The following CLYBL variants were observed in gnomAD, a reference collection of about 807,000 sequenced individuals.
The protein encoded by CLYBL is citramalyl-CoA lyase, also known as citramalyl-CoA lyase, mitochondrial.
CLYBL carries 31 observed loss-of-function variants against 38.9 expected under a neutral mutation model. The observed-to-expected ratio is 0.80, with a 90% CI of 0.60 to 1.08. CLYBL has a LOEUF of 1.08. Ranked by LOEUF, CLYBL falls within the 50% of genes least tolerant of loss-of-function variation. The probability of loss-of-function intolerance (pLI) is 0.00; values close to 1 mark genes in which losing one functional copy is unlikely to be tolerated. For synonymous variants in CLYBL, 171 were observed against 158.6 expected (o/e 1.08, Z -0.59); for missense variants, 434 against 411.6 (o/e 1.05, Z -0.47).
intron 1 of CLYBL, among the ~76,000 whole-genome samples, chr13:99,617,975 C>T (rs2793763): frequency 0.32 from 48,360 of 152,088 alleles, 8,752 homozygotes; most frequent in Non-Finnish European, 0.41. Flanking sequence ...ACCCTGTCCC[C>T]TTACTGCTGT....
chr13:99,736,126 C>T (rs145104301), intron 1 of CLYBL, among the ~76,000 whole-genome samples: 99 of 139,406 alleles, frequency 7.1e-4, no homozygotes, highest in African/African-American at 2.4e-3. Context: ...CTCACTGCAA[C>T]CTCTGCCTCC....
At chr13:99,643,851 C>T (rs9670678) in intron 1 of CLYBL, among the ~76,000 whole-genome samples, 2 of 151,872 alleles carry the variant, frequency 1.3e-5, no homozygotes, top group Non-Finnish European at 2.9e-5. Flanking sequence ...ACTAAAAATA[C>T]AAAAATTAAC....
intron 2 of CLYBL, among the ~76,000 whole-genome samples, chr13:99,835,447 A>C (rs1415308428): frequency 6.6e-6 from 1 of 152,214 alleles, no homozygotes; most frequent in Non-Finnish European, 1.5e-5. Flanking sequence ...AGATGGAGGA[A>C]GAGAGAGTGG....
chr13:99,633,569 T>G (rs1248919181), intron 1 of CLYBL, among the ~76,000 whole-genome samples: 2 of 149,950 alleles, frequency 1.3e-5, no homozygotes, highest in Admixed American at 6.6e-5. Context: ...GAAAAAGAGC[T>G]GAAAGGTTAG....
At chr13:99,738,931 G>T (rs2048708159) in intron 1 of CLYBL, among the ~76,000 whole-genome samples, 1 of 152,150 alleles carries the variant, frequency 6.6e-6, no homozygotes, top group African/African-American at 2.4e-5. Flanking sequence ...TTGTCATGAG[G>T]ATTCAAAAAG....
Position 99,843,619 on chromosome 13 carries a change from T to TTTA in CLYBL, c.250-15242_250-15241insTTA, listed in dbSNP as rs1555316866. 1.3e-4 allele frequency among the ~76,000 whole-genome samples: 19 copies of TTTA among 151,380 alleles called. No homozygotes were observed. In the East Asian group the frequency reaches 3.5e-3, roughly 28 times the overall value. ...AAAAATTAATCTTTTTTTTTTTTTT[T>TTTA]AAGACAGAGCCTTGCTCTGTCACCC... is the stretch of plus-strand genomic sequence containing the variant. On this transcript the variant is annotated intron_variant, in intron 2 of 8. Transcript: ENST00000339105.
At chr13:99,625,102 T>C (rs1366848157) in intron 1 of CLYBL, among the ~76,000 whole-genome samples, 2 of 152,230 alleles carry the variant, frequency 1.3e-5, no homozygotes, top group African/African-American at 4.8e-5. Flanking sequence ...CCATCGGAGC[T>C]GGTTCATCAC....
chr13:99,838,885 C>T (rs1011658933), intron 2 of CLYBL, among the ~76,000 whole-genome samples: 28 of 152,264 alleles, frequency 1.8e-4, no homozygotes, highest in African/African-American at 4.6e-4. Context: ...GTGATCCACC[C>T]GCCTCGGCCT....
rs995056868 is a variant in CLYBL at position 99,808,662 on chromosome 13, G to C, written c.249+35652G>C. Among the ~76,000 whole-genome samples the C allele has an allele frequency of 3.9e-5, 6 of 152,306 alleles. No individual in the cohort carries two copies. The South Asian group carries it at 6.2e-4, about 16-fold the overall frequency. On this transcript the variant is annotated intron_variant, in intron 2 of 8. Coordinates refer to ENST00000339105, the MANE Select transcript of CLYBL (RefSeq NM_206808.5). ...ATGGTGCCAATTGAGGTTTCAACTT[G>C]TTTAGATATATTCAACCTGAAGTAA...
intron 1 of CLYBL, among the ~76,000 whole-genome samples, chr13:99,754,416 C>CAAAAAAAAAAAAAA (rs1172376194): frequency 5.0e-4 from 36 of 71,856 alleles, no homozygotes; most frequent in African/African-American, 1.7e-3. Flanking sequence ...GACCCTGTCT[C>CAAAAAAAAAAAAAA]AAAAAAAAAA....
intron 3 of CLYBL, among the ~76,000 whole-genome samples, chr13:99,859,287 G>A (rs543742889): frequency 6.6e-6 from 1 of 152,220 alleles, no homozygotes; most frequent in African/African-American, 2.4e-5. Context: ...CTAATTGGAT[G>A]TGTGGTTTGG....
At chr13:99,624,566 A>G (rs1307623927) in intron 1 of CLYBL, among the ~76,000 whole-genome samples, 4 of 152,208 alleles carry the variant, frequency 2.6e-5, no homozygotes, top group Admixed American at 1.3e-4. Context: ...AAAGTTTTCA[A>G]AAGTATAAAC....
At chr13:99,836,165 A>G (rs550471677) in intron 2 of CLYBL, among the ~76,000 whole-genome samples, 3 of 152,258 alleles carry the variant, frequency 2.0e-5, no homozygotes, top group Admixed American at 6.5e-5. Flanking sequence ...AGCCGTGAGT[A>G]TGAGGGGGAC....
At chr13:99,737,886 T>C (rs2048693290) in intron 1 of CLYBL, among the ~76,000 whole-genome samples, 1 of 151,902 alleles carries the variant, frequency 6.6e-6, no homozygotes, top group African/African-American at 2.4e-5. Context: ...TTTCTAACCT[T>C]TTTTTTTGGT....
chr13:99,671,515 C>A (rs1341589763), intron 1 of CLYBL, among the ~76,000 whole-genome samples: 1 of 152,136 alleles, frequency 6.6e-6, no homozygotes, highest in African/African-American at 2.4e-5. Context: ...CACGATGGCT[C>A]ACACCTGTAA....
At chr13:99,866,604 A>T (rs182785314) in intron 6 of CLYBL, among the ~76,000 whole-genome samples, 197 bp downstream of exon 6, 1 of 150,718 alleles carries the variant, frequency 6.6e-6, no homozygotes, top group African/African-American at 2.4e-5. Flanking sequence ...AAGTCAACAA[A>T]TCACTCATTT....
chr13:99,890,624 C>T (rs1028923343), intron 7 of CLYBL, among the ~76,000 whole-genome samples: 1 of 152,074 alleles, frequency 6.6e-6, no homozygotes, highest in Non-Finnish European at 1.5e-5. Context: ...CACCACTATG[C>T]CCAGCTAATT....
At position 99,802,897 on chromosome 13, in the gene CLYBL, G is replaced by A. The variant is rs546189543; in HGVS notation, c.249+29887G>A. Among the ~76,000 whole-genome samples, 20 of 152,222 alleles carry A rather than the reference G, an allele frequency of 1.3e-4. 1 individual carries two copies. The highest frequency in any genetic ancestry group is 4.6e-4 in the African/African-American group (19 of 41,534). On this transcript the variant is annotated intron_variant, in intron 2 of 8. Coordinates refer to ENST00000339105, the MANE Select transcript of CLYBL (RefSeq NM_206808.5). ...AACATGCATCAAACCTCAAATACACGTACAGCGCTTACCGTTCACACTAGA... is the reference window on the plus strand; with the variant it reads ...AACATGCATCAAACCTCAAATACACATACAGCGCTTACCGTTCACACTAGA...
At chr13:99,615,872 C>T (rs937336242) in intron 1 of CLYBL, among the ~76,000 whole-genome samples, 9 of 152,248 alleles carry the variant, frequency 5.9e-5, no homozygotes, top group African/African-American at 1.9e-4. Flanking sequence ...CTCACTCTGT[C>T]GCTCAGGCTG....
Sources: allele counts gnomAD v4.1 joint callset (sites outside exome capture counted in the v4.1 genomes callset), GRCh38; gene constraint gnomAD v4.1.1; transcripts MANE v1.5; gene names NCBI Gene and HGNC (gene_info 2026-07-23, HGNC 2026-07-21).